The following BCAS4 variants were observed in gnomAD, a reference collection of about 807,000 sequenced individuals.
The protein encoded by BCAS4 is breast carcinoma amplified sequence 4.
BCAS4 carries 9 observed loss-of-function variants against 15.7 expected under a neutral mutation model. That is an observed-to-expected ratio of 0.57 (90% CI 0.34 to 1.00). The LOEUF (loss-of-function observed/expected upper bound fraction) is 1.00. Ranked by LOEUF, BCAS4 falls within the 50% of genes least tolerant of loss-of-function variation. The pLI is 0.02. For missense variants in BCAS4, 225 were observed against 239.1 expected (o/e 0.94, Z 0.39); for synonymous variants, 101 against 99.5 (o/e 1.02, Z -0.09).
chr20:50,880,983 A>G (rs1159363459), downstream of BCAS4: 2 of 152,178 alleles, frequency 1.3e-5, no homozygotes, highest in Admixed American at 6.5e-5. Flanking sequence ...CCTGAATCCT[A>G]CCACTTTGGG....
chr20:50,819,073 C>T (rs772007746), intron 2 of BCAS4, among the ~76,000 whole-genome samples: 4 of 152,082 alleles, frequency 2.6e-5, no homozygotes, highest in Non-Finnish European at 4.4e-5. Context: ...ATCTTAGCTA[C>T]TCAGGAGGCT....
chr20:50,828,099 C>T (rs2088300985), intron 2 of BCAS4, among the ~76,000 whole-genome samples: 1 of 151,918 alleles, frequency 6.6e-6, no homozygotes, highest in African/African-American at 2.4e-5. Flanking sequence ...GGGGACCAGC[C>T]TGGTGTCATA....
At chr20:50,870,499 T>C (rs1979582577) in intron 4 of BCAS4, among the ~76,000 whole-genome samples, 1 of 152,154 alleles carries the variant, frequency 6.6e-6, no homozygotes. Flanking sequence ...GAAACGGAGC[T>C]GCTGGGTGTT....
At chr20:50,805,145 A>G (rs1272286831) in intron 1 of BCAS4, among the ~76,000 whole-genome samples, 2 of 152,130 alleles carry the variant, frequency 1.3e-5, no homozygotes, top group East Asian at 1.9e-4. Context: ...GTATAATTTA[A>G]TGGCTTTTCG....
intron 4 of BCAS4, among the ~76,000 whole-genome samples, chr20:50,853,099 T>C (rs922313853): frequency 1.3e-5 from 2 of 151,938 alleles, no homozygotes; most frequent in African/African-American, 4.8e-5. Context: ...CTTAGTCTTA[T>C]ATGAAGTGTC....
intron 1 of BCAS4, among the ~76,000 whole-genome samples, chr20:50,803,263 G>T (rs1242794783): frequency 6.6e-6 from 1 of 152,268 alleles, no homozygotes; most frequent in Non-Finnish European, 1.5e-5. Context: ...CTTCTGATGA[G>T]TGGAGCAGTA....
intron 4 of BCAS4, among the ~76,000 whole-genome samples, chr20:50,869,369 G>A (rs1979517729): frequency 1.3e-5 from 2 of 152,178 alleles, no homozygotes; most frequent in South Asian, 4.1e-4. Context: ...GGGTGGCTGG[G>A]GCAGACCCTG....
chr20:50,799,405 CAG>C (rs1393966298), intron 1 of BCAS4, among the ~76,000 whole-genome samples: 2 of 152,190 alleles, frequency 1.3e-5, no homozygotes, highest in Non-Finnish European at 2.9e-5. Context: ...TGCGCCAGAG[CAG>C]AGTCACATGC....
chr20:50,869,742 C>CTTTTTTT (rs55685532), intron 4 of BCAS4, among the ~76,000 whole-genome samples: 11 of 77,648 alleles, frequency 1.4e-4, no homozygotes, highest in African/African-American at 3.7e-4. Context: ...CCTGGCACTG[C>CTTTTTTT]TTTTTTTTTT....
intron 4 of BCAS4, 38 bp from the exon 5 acceptor site, chr20:50,876,448 C>G: frequency 6.2e-7 from 1 of 1,607,842 alleles, no homozygotes; most frequent in Non-Finnish European, 8.5e-7. Flanking sequence ...ACAAGTGGAT[C>G]CAAATCGCTG....
At chr20:50,820,682 G>A (rs546102917) in intron 2 of BCAS4, among the ~76,000 whole-genome samples, 4 of 152,278 alleles carry the variant, frequency 2.6e-5, no homozygotes, top group Non-Finnish European at 4.4e-5. Flanking sequence ...GTGGACAGGC[G>A]GAGAGACCCA....
At chr20:50,816,007 A>AG (rs572653306) in intron 1 of BCAS4, among the ~76,000 whole-genome samples, 6 of 152,134 alleles carry the variant, frequency 3.9e-5, no homozygotes, top group Non-Finnish European at 8.8e-5. Context: ...AGATAACTTG[A>AG]GGGGGAAAAA....
intron 4 of BCAS4, among the ~76,000 whole-genome samples, chr20:50,868,081 C>T (rs1979445495): frequency 6.6e-6 from 1 of 152,176 alleles, no homozygotes; most frequent in African/African-American, 2.4e-5. Flanking sequence ...ATGTTTTTCT[C>T]ATGCTTAGAC....
At chr20:50,849,393 G>C (rs1261664849) in intron 4 of BCAS4, among the ~76,000 whole-genome samples, 1 of 152,178 alleles carries the variant, frequency 6.6e-6, no homozygotes, top group African/African-American at 2.4e-5. Flanking sequence ...ACCCCCACCA[G>C]GGCAGCAGAG....
intron 1 of BCAS4, among the ~76,000 whole-genome samples, chr20:50,814,872 C>A (rs2088119217): frequency 2.0e-5 from 3 of 152,104 alleles, no homozygotes; most frequent in Admixed American, 2.0e-4. Context: ...CTTTGGGAGG[C>A]TGAGGCAGGA....
intron 1 of BCAS4, among the ~76,000 whole-genome samples, chr20:50,809,264 C>T (rs2088032021): frequency 6.6e-6 from 1 of 151,790 alleles, no homozygotes. Context: ...GGCTGGAGTG[C>T]AATGGCGCAA....
intron 3 of BCAS4, among the ~76,000 whole-genome samples, chr20:50,840,229 T>C (rs1262001908): frequency 6.6e-6 from 1 of 152,212 alleles, no homozygotes. Context: ...TTTTTAAACT[T>C]TTTATTTGCA....
At chr20:50,873,317 T>C (rs1345540174) in intron 4 of BCAS4, among the ~76,000 whole-genome samples, 1 of 152,206 alleles carries the variant, frequency 6.6e-6, no homozygotes, top group Non-Finnish European at 1.5e-5. Flanking sequence ...GAGGCCCAGC[T>C]GGCCTAGGAG....
upstream of BCAS4, chr20:50,795,000 C>T: frequency 2.3e-6 from 3 of 1,329,178 alleles, no homozygotes; most frequent in Non-Finnish European, 1.9e-6. Context: ...GGGCATGCAG[C>T]GGACCGGGGG....
Sources: allele counts gnomAD v4.1 joint callset (sites outside exome capture counted in the v4.1 genomes callset), GRCh38; gene constraint gnomAD v4.1.1; transcripts MANE v1.5; gene names NCBI Gene and HGNC (gene_info 2026-07-23, HGNC 2026-07-21).